The following COL24A1 variants were observed in gnomAD, a reference collection of about 807,000 sequenced individuals.
The protein encoded by COL24A1 is collagen alpha-1(XXIV) chain.
COL24A1 carries 224 observed loss-of-function variants against 253.9 expected under a neutral mutation model. The observed-to-expected ratio is 0.88, with a 90% CI of 0.79 to 0.99. COL24A1 has a LOEUF of 0.99. Ranked by LOEUF, COL24A1 falls within the 50% of genes least tolerant of loss-of-function variation. The pLI, the probability that COL24A1 is intolerant of heterozygous loss-of-function variation, is 0.00. For synonymous variants in COL24A1, 685 were observed against 673.7 expected, an observed-to-expected ratio of 1.02 and a Z score of -0.26; for missense variants, 2,131 against 2,068.5, an observed-to-expected ratio of 1.03 and a Z score of -0.59.
chr1:85,906,726 T>C (rs1243806485), intron 28 of COL24A1, among the ~76,000 whole-genome samples: 1 of 151,980 alleles, frequency 6.6e-6, no homozygotes, highest in Non-Finnish European at 1.5e-5. Flanking sequence ...TTTAATTCTG[T>C]ATACATGATT....
chr1:86,132,671 GT>G (rs1649458658), intron 2 of COL24A1, among the ~76,000 whole-genome samples: 1 of 152,180 alleles, frequency 6.6e-6, no homozygotes, highest in Non-Finnish European at 1.5e-5. Flanking sequence ...AGATCAGACA[GT>G]TGTAGATATG....
At chr1:85,983,288 T>C (rs879378827) in intron 20 of COL24A1, among the ~76,000 whole-genome samples, 1 of 151,992 alleles carries the variant, frequency 6.6e-6, no homozygotes, top group Non-Finnish European at 1.5e-5. Flanking sequence ...GATCTGGTTT[T>C]GCTAATGTTA....
Position 86,084,814 on chromosome 1 carries a change from A to C in COL24A1, c.1707+4360T>G, listed in dbSNP as rs557211075. On this transcript the variant is annotated intron_variant, in intron 7 of 59. Coordinates refer to ENST00000370571, the MANE Select transcript of COL24A1 (RefSeq NM_152890.7). The stretch of plus-strand genomic sequence containing the variant: ...TGGCTTGCCTGTTGGGGAGTTCAGC[A>C]CTGTGATACCTTGTTCTCAGCTTCC... Among the ~76,000 whole-genome samples the C allele has an allele frequency of 5.9e-5, 9 of 152,276 alleles. No homozygotes were observed. The South Asian group carries it at 8.3e-4, about 14-fold the overall frequency.
chr1:85,959,947 T>C (rs1690851672), intron 24 of COL24A1, among the ~76,000 whole-genome samples: 1 of 152,138 alleles, frequency 6.6e-6, no homozygotes, highest in African/African-American at 2.4e-5. Flanking sequence ...TATGTTACAA[T>C]CATATTTGAC....
At position 85,838,775 on chromosome 1, in the gene COL24A1, A is replaced by G. The variant is rs1570857737; in HGVS notation, c.3628-137T>C. ...TATATGATTTGTTTAGTTCCATTAAATAATTTCAAAATATTGAATTTCAAT... is the reference window on the plus strand; with the variant it reads ...TATATGATTTGTTTAGTTCCATTAAGTAATTTCAAAATATTGAATTTCAAT... On this transcript the variant is annotated intron_variant, in intron 42 of 59. Transcript: ENST00000370571. 4.7e-6 allele frequency: 3 copies of G among 635,002 alleles called. No homozygotes were observed. The East Asian group carries it at 8.6e-5, about 18-fold the overall frequency. 39.3% of individuals were successfully genotyped at this position (635,002 alleles called of 1,614,324 possible). A position where few individuals can be genotyped will look rare whatever the true frequency, so the allele number is the denominator to read the frequency against.
chr1:85,838,661 A>T (rs775881307), intron 42 of COL24A1, 23 bp from the exon 43 acceptor site: 50 of 1,610,936 alleles, frequency 3.1e-5, no homozygotes, highest in Non-Finnish European at 4.1e-5. Context: ...CACACAAAAC[A>T]ATCAGTTTTA....
chr1:86,106,922 T>C (rs1412121159), intron 5 of COL24A1, among the ~76,000 whole-genome samples: 1 of 152,220 alleles, frequency 6.6e-6, no homozygotes, highest in African/African-American at 2.4e-5. Context: ...CACTTTATAT[T>C]TCTATTGTTT....
intron 10 of COL24A1, 88 bp from the exon 11 acceptor site, chr1:86,050,265 TG>T: frequency 9.0e-7 from 1 of 1,114,188 alleles, no homozygotes; most frequent in Non-Finnish European, 1.3e-6. Context: ...AAATTTTATT[TG>T]TAGTAGTACG....
intron 7 of COL24A1, among the ~76,000 whole-genome samples, chr1:86,074,543 A>T (rs930983959): frequency 2.0e-5 from 3 of 152,190 alleles, no homozygotes; most frequent in Non-Finnish European, 2.9e-5. Flanking sequence ...TATTAGACAG[A>T]TCAATGAGAC....
intron 20 of COL24A1, among the ~76,000 whole-genome samples, chr1:85,985,851 T>G (rs753085226): frequency 4.0e-5 from 6 of 151,814 alleles, no homozygotes; most frequent in Non-Finnish European, 8.8e-5. Flanking sequence ...TGCATATAGG[T>G]ATAAGTTTGT....
At chr1:85,765,578 A>G (rs1325868140) in intron 53 of COL24A1, among the ~76,000 whole-genome samples, 4 of 151,266 alleles carry the variant, frequency 2.6e-5, no homozygotes, top group Non-Finnish European at 5.9e-5. Context: ...TAAATAAATA[A>G]ATAAATAAAT....
chr1:86,037,119 G>A (rs940088679), intron 12 of COL24A1, among the ~76,000 whole-genome samples: 15 of 152,084 alleles, frequency 9.9e-5, no homozygotes, highest in African/African-American at 3.6e-4. Flanking sequence ...AGAATATGAT[G>A]TTTCAGGAAT....
intron 5 of COL24A1, among the ~76,000 whole-genome samples, chr1:86,097,124 A>G (rs938323818): frequency 6.6e-6 from 1 of 151,062 alleles, no homozygotes; most frequent in Non-Finnish European, 1.5e-5. Flanking sequence ...TACAGTAAAC[A>G]TACTTTAAGT....
rs911358497 is a variant in COL24A1, at chr1:86,057,936, C to T, written c.1846G>A (p.Ala616Thr). Residue 616 changes from alanine (A) to threonine (T), a missense_variant, in exon 10 of 60, where the codon GCA (alanine) becomes ACA (threonine). By Grantham distance (58) the Ala-to-Thr change is moderately conservative. Coordinates refer to ENST00000370571, the MANE Select transcript of COL24A1 (RefSeq NM_152890.7). ...TGATGGAAATGCCTACTTACTTGTG[C>T]ACCTTTAGGACCTGGATTACCTTCT... is the stretch of plus-strand genomic sequence containing the variant. ...GPEGNPGPKG[A>T]QGFIGSPGEA... is the part of the protein sequence containing the mutation. 11 of 1,612,678 alleles carry T rather than the reference C, an allele frequency of 6.8e-6. No homozygotes were observed. In the East Asian group the frequency reaches 8.9e-5, roughly 13 times the overall value.
chr1:85,948,523 C>CAAAAA (rs751884453), intron 24 of COL24A1, among the ~76,000 whole-genome samples: 22 of 63,604 alleles, frequency 3.5e-4, no homozygotes, highest in African/African-American at 5.9e-4. Context: ...GACTCCGTCT[C>CAAAAA]AAAAAAAAAA....
intron 18 of COL24A1, among the ~76,000 whole-genome samples, chr1:86,021,268 C>G (rs909012943): frequency 6.6e-6 from 1 of 151,926 alleles, no homozygotes; most frequent in South Asian, 2.1e-4. Context: ...TCATCTCTAC[C>G]TTTTTCATAG....
chr1:86,043,174 T>G (rs1401687118), intron 12 of COL24A1, among the ~76,000 whole-genome samples: 1 of 152,200 alleles, frequency 6.6e-6, no homozygotes, highest in Non-Finnish European at 1.5e-5. Flanking sequence ...TAAAAATATC[T>G]ACTATTGTTC....
chr1:85,808,153 C>T (rs1672169646), intron 47 of COL24A1, among the ~76,000 whole-genome samples: 1 of 152,156 alleles, frequency 6.6e-6, no homozygotes, highest in Non-Finnish European at 1.5e-5. Context: ...AATGTAATAA[C>T]ACATCCTTGT....
At chr1:85,825,721 T>A (rs1254386331) in intron 43 of COL24A1, among the ~76,000 whole-genome samples, 22 of 145,422 alleles carry the variant, frequency 1.5e-4, no homozygotes, top group Non-Finnish European at 2.8e-4. Flanking sequence ...ATAAATGTCT[T>A]CTTTTGAGAA....
Sources: allele counts gnomAD v4.1 joint callset (sites outside exome capture counted in the v4.1 genomes callset), GRCh38; gene constraint gnomAD v4.1.1; transcripts MANE v1.5; gene names NCBI Gene and HGNC (gene_info 2026-07-23, HGNC 2026-07-21).